TRPM7: variants seen among roughly 807,000 people sequenced by gnomAD.
TRPM7 encodes transient receptor potential cation channel subfamily M member 7, also known as LTRPC ion channel family member 7.
A neutral mutation model predicts 229.7 loss-of-function variants in TRPM7; 134 were observed. The ratio of observed to expected loss-of-function variants is 0.58; its 90% CI spans 0.51 to 0.67. The LOEUF (loss-of-function observed/expected upper bound fraction) is 0.67, where lower values mean the gene tolerates loss of function less well. TRPM7 is among the 30% of genes least tolerant of loss of function. TRPM7 has a pLI of 0.00. For synonymous variants in TRPM7, 699 were observed against 715.2 expected, an observed-to-expected ratio of 0.98 and a Z score of 0.36; for missense variants, 1,901 against 2,210.0, an observed-to-expected ratio of 0.86 and a Z score of 2.80.
At chr15:50,656,749 C>T (rs922907873) in intron 3 of TRPM7, among the ~76,000 whole-genome samples, 1 of 152,128 alleles carries the variant, frequency 6.6e-6, no homozygotes, top group South Asian at 2.1e-4. Flanking sequence ...GAGACCTTCT[C>T]TTCTTCCTCT....
At chr15:50,615,707 C>T (rs1429011070) in intron 13 of TRPM7, among the ~76,000 whole-genome samples, 1 of 151,894 alleles carries the variant, frequency 6.6e-6, no homozygotes, top group East Asian at 1.9e-4. Flanking sequence ...ACTATCCTAG[C>T]CAACATGGAG....
At chr15:50,616,324 T>C (rs1596205091) in intron 13 of TRPM7, among the ~76,000 whole-genome samples, 1 of 152,230 alleles carries the variant, frequency 6.6e-6, no homozygotes, top group Admixed American at 6.5e-5. Flanking sequence ...TAGCCACCGA[T>C]GTAACAACAA....
chr15:50,670,800 A>C (rs2061969875), intron 1 of TRPM7, among the ~76,000 whole-genome samples: 1 of 137,808 alleles, frequency 7.3e-6, no homozygotes, highest in South Asian at 2.4e-4. Flanking sequence ...TACTGTAAAA[A>C]AAAGAAAAAG....
chr15:50,605,297 G>T (rs569184373), intron 20 of TRPM7, among the ~76,000 whole-genome samples, 153 bp from the exon 21 acceptor site: 1 of 152,190 alleles, frequency 6.6e-6, no homozygotes, highest in African/African-American at 2.4e-5. Flanking sequence ...ATTGCCCAGG[G>T]TGGAGTGCAG....
intron 30 of TRPM7, among the ~76,000 whole-genome samples, chr15:50,579,972 CTA>C (rs1335582382): frequency 3.4e-4 from 51 of 152,092 alleles, no homozygotes; most frequent in Admixed American, 3.3e-3. Context: ...TGGGGTCTCA[CTA>C]TGTTTCTCAG....
chr15:50,648,630 T>C, intron 4 of TRPM7, 57 bp downstream of exon 4: 1 of 1,468,582 alleles, frequency 6.8e-7, no homozygotes, highest in Non-Finnish European at 9.2e-7. Flanking sequence ...ACACAAATTG[T>C]GATGTTTATT....
At chr15:50,645,305 G>A (rs1309242830) in intron 4 of TRPM7, among the ~76,000 whole-genome samples, 1 of 152,136 alleles carries the variant, frequency 6.6e-6, no homozygotes, top group Non-Finnish European at 1.5e-5. Flanking sequence ...GCCTCCCAAA[G>A]TGCTGGGATT....
Position 50,596,335 on chromosome 15 carries a change from C to G in TRPM7, c.3210G>C (p.Thr1070=), listed in dbSNP as rs1443043805. 1 of 1,609,700 alleles carries G rather than the reference C, an allele frequency of 6.2e-7. No homozygotes were observed. The highest frequency in any genetic ancestry group is 8.5e-7 in the Non-Finnish European group (1 of 1,178,550). Residue 1070 remains threonine, a synonymous_variant, in exon 23 of 39, where the codon ACG becomes ACC. Transcript: ENST00000646667. The stretch of plus-strand genomic sequence containing the variant: ...CTGCTTGAAGAAATGGAGTCAACCA[C>G]GTCCCAGGACCACAGATTTGAGGGA... ...SVIPQICGPG[T]WLTPFLQAVY... is the part of the protein sequence containing the mutation.
intron 31 of TRPM7, among the ~76,000 whole-genome samples, chr15:50,577,843 C>A (rs2054209091): frequency 6.6e-6 from 1 of 151,992 alleles, no homozygotes. Flanking sequence ...GAAGTAAATT[C>A]AATATATTTA....
In TRPM7 at chr15:50,624,076, G is replaced by A. The variant is rs987002676; in HGVS notation, c.1440+90C>T. ...CATATAACTAAGGAAGACATTAAGG[G>A]TTTTATCAATAGGAATGGCTATATT... On this transcript the variant is annotated intron_variant, in intron 12 of 38. Coordinates refer to ENST00000646667, the MANE Select transcript of TRPM7 (RefSeq NM_017672.6). 2.3e-6 allele frequency: 3 copies of A among 1,322,542 alleles called. No individual in the cohort carries two copies. The African/African-American group carries it at 4.4e-5, about 20-fold the overall frequency. 81.9% of individuals were successfully genotyped at this position (1,322,542 alleles called of 1,614,324 possible). A position where few individuals can be genotyped will look rare whatever the true frequency, so the allele number is the denominator to read the frequency against.
chr15:50,586,406 A>T lies in TRPM7; in HGVS notation c.4472T>A (p.Val1491Asp). Residue 1491 changes from valine (V) to aspartate (D), a missense_variant, in exon 28 of 39, where the codon GTT (valine) becomes GAT (aspartate). Physicochemically the swap from Val to Asp is radical, Grantham distance 152. Around this residue, in one of 8 missense-constraint regions of TRPM7, gnomAD observed 533 missense variants for 497.1 expected, o/e 1.07. Coordinates refer to ENST00000646667, the MANE Select transcript of TRPM7 (RefSeq NM_017672.6). The part of the protein sequence containing the change: ...FTDCHRTSIP[V>D]HSKQAEKISR... The stretch of plus-strand genomic sequence containing the variant: ...AAAATACTCACCTTGTTTTGAATGA[A>T]CAGGAATGGAAGTTCTGTGACAGTC... The T allele has an allele frequency of 6.2e-7, 1 of 1,608,994 alleles. No individual in the cohort carries two copies. Among genetic ancestry groups the T allele is most frequent in the Non-Finnish European group, 8.5e-7 (1 of 1,175,482 alleles).
chr15:50,611,498 A>G (rs1055035404), intron 16 of TRPM7, among the ~76,000 whole-genome samples, 177 bp from the exon 17 acceptor site: 1 of 152,224 alleles, frequency 6.6e-6, no homozygotes, highest in Non-Finnish European at 1.5e-5. Flanking sequence ...GGAAATCACA[A>G]AATATTAAAA....
Position 50,631,238 on chromosome 15 carries a change from G to A in TRPM7, c.1204+179C>T, listed in dbSNP as rs528969141. Among the ~76,000 whole-genome samples, 7 of 152,172 alleles carry A rather than the reference G, an allele frequency of 4.6e-5. No individual in the cohort carries two copies. The South Asian group carries it at 6.2e-4, about 14-fold the overall frequency. On this transcript the variant is annotated intron_variant, in intron 10 of 38. Coordinates refer to ENST00000646667, the MANE Select transcript of TRPM7 (RefSeq NM_017672.6). ...AGATTAAATTAAAAGTTACCTTGCC[G>A]CCAAGGAAACCAACATTGTGTCTTT...
At position 50,561,383 on chromosome 15, in the gene TRPM7, C is replaced by A; in HGVS notation, c.*295G>T. On this transcript the variant is annotated 3_prime_UTR_variant, in exon 39 of 39. Transcript: ENST00000646667. ...GTACCACATAAGAGAGAGCATCACC[C>A]TCATCAAAACAAAGTCAAATGAGAT... 2 of 266,964 alleles carry A rather than the reference C, an allele frequency of 7.5e-6. No homozygotes were observed. Among genetic ancestry groups the A allele is most frequent in the South Asian group, 8.3e-5 (1 of 12,018 alleles). The allele number at this position is 266,964 out of a possible 1,614,324, so 16.5% of individuals were successfully genotyped here. A position where few individuals can be genotyped will look rare whatever the true frequency, so the allele number is the denominator to read the frequency against.
intron 31 of TRPM7, among the ~76,000 whole-genome samples, chr15:50,576,402 T>C (rs1396584876): frequency 6.6e-6 from 1 of 152,242 alleles, no homozygotes; most frequent in Non-Finnish European, 1.5e-5. Flanking sequence ...AAGTCAAATC[T>C]GCTATGTGCT....
intron 21 of TRPM7, among the ~76,000 whole-genome samples, chr15:50,600,797 T>C (rs1230575797): frequency 6.6e-6 from 1 of 152,228 alleles, no homozygotes; most frequent in African/African-American, 2.4e-5. Flanking sequence ...AGTCTTAAAA[T>C]GTCAATTCAA....
At position 50,596,376 on chromosome 15, in the gene TRPM7, C is replaced by A. The variant is rs566204441; in HGVS notation, c.3169G>T (p.Ala1057Ser). The change falls in exon 23 of 39, where the codon GCA becomes TCA. Residue 1057 changes from alanine to serine, a missense_variant. Physicochemically the swap from Ala to Ser is moderately conservative, Grantham distance 99 (BLOSUM62 1). Around this residue, in one of 8 missense-constraint regions of TRPM7, gnomAD observed 89 missense variants for 178.2 expected, o/e 0.50. Coordinates refer to ENST00000646667, the MANE Select transcript of TRPM7 (RefSeq NM_017672.6). ...ATTTGAGGGATAACAGAATCATTTG[C>A]ACACACTTTAGAGAGAAAAAAAGAA... Reference protein sequence around the residue: ...EVYAYEIDVCANDSVIPQICG... With the variant: ...EVYAYEIDVCSNDSVIPQICG... The A allele has an allele frequency of 6.4e-5, 101 of 1,584,278 alleles. No individual in the cohort carries two copies. Among genetic ancestry groups the A allele is most frequent in the East Asian group, 1.3e-4 (6 of 44,478 alleles).
chr15:50,598,436 G>C (rs535544895), intron 22 of TRPM7, among the ~76,000 whole-genome samples: 105 of 152,318 alleles, frequency 6.9e-4, no homozygotes, highest in African/African-American at 2.2e-3. Flanking sequence ...CTCACAAGCT[G>C]CAACAAAAAT....
intron 10 of TRPM7, 62 bp from the exon 11 acceptor site, chr15:50,628,311 A>G: frequency 8.1e-7 from 1 of 1,237,110 alleles, no homozygotes; most frequent in Admixed American, 2.0e-5. Flanking sequence ...AAAGGTGAAC[A>G]CTTTTTTTTT....
Sources: allele counts gnomAD v4.1 joint callset (sites outside exome capture counted in the v4.1 genomes callset), GRCh38; gene constraint gnomAD v4.1.1; regional missense constraint gnomAD v4.1.1; transcripts MANE v1.5; gene names NCBI Gene and HGNC (gene_info 2026-07-23, HGNC 2026-07-21).